CCSER1: variants seen among roughly 807,000 people sequenced by gnomAD.
CCSER1 encodes serine-rich coiled-coil domain-containing protein 1.
CCSER1 carries 41 observed loss-of-function variants against 82.0 expected under a neutral mutation model. The ratio of observed to expected loss-of-function variants is 0.50; its 90% CI spans 0.39 to 0.65. CCSER1 has a LOEUF of 0.65. Among genes scored for constraint, CCSER1 ranks in the 30% least tolerant of loss-of-function variants. CCSER1 has a pLI of 0.00. For synonymous variants in CCSER1, 414 were observed against 383.9 expected (o/e 1.08, Z -0.92); for missense variants, 1,119 against 1,064.2 (o/e 1.05, Z -0.72).
intron 9 of CCSER1, among the ~76,000 whole-genome samples, chr4:90,955,121 G>A (rs1419829635): frequency 1.3e-5 from 2 of 152,050 alleles, no homozygotes; most frequent in Non-Finnish European, 2.9e-5. Flanking sequence ...TATTTATTCT[G>A]TTTCCCCATT....
At position 90,724,704 on chromosome 4, in the gene CCSER1, G is replaced by A. The variant is rs72875625; in HGVS notation, c.2010+713G>A. On this transcript the variant is annotated intron_variant, in intron 7 of 10. Coordinates refer to ENST00000509176, the MANE Select transcript of CCSER1 (RefSeq NM_001145065.2). ...GAGCCTGAGGAAAAAAACTTAAAAC[G>A]TTGGGATGATGTACTTAAGTGCACT... 3.0e-3 allele frequency: 1,053 copies of A among 347,914 alleles called. 15 individuals are homozygous for A. The highest frequency in any genetic ancestry group is 0.021 in the African/African-American group (975 of 45,822). 21.6% of individuals were successfully genotyped at this position (347,914 alleles called of 1,614,324 possible).
intron 10 of CCSER1, among the ~76,000 whole-genome samples, chr4:91,107,838 G>T (rs1205124683): frequency 1.3e-5 from 2 of 152,002 alleles, no homozygotes; most frequent in Non-Finnish European, 2.9e-5. Context: ...ATTAAGGTTG[G>T]GCAGTGCTGG....
At chr4:91,506,824 C>A (rs538894705) in intron 10 of CCSER1, among the ~76,000 whole-genome samples, 15 of 152,222 alleles carry the variant, frequency 9.9e-5, no homozygotes, top group African/African-American at 3.6e-4. Flanking sequence ...GTCTCCCAAA[C>A]CCTGGCGAAT....
intron 10 of CCSER1, among the ~76,000 whole-genome samples, chr4:91,253,918 G>A (rs754638090): frequency 6.6e-6 from 1 of 152,006 alleles, no homozygotes; most frequent in Non-Finnish European, 1.5e-5. Context: ...ACTATCACGA[G>A]GACAGTATTA....
At chr4:91,277,501 T>G in intron 10 of CCSER1, among the ~76,000 whole-genome samples, 1 of 151,640 alleles carries the variant, frequency 6.6e-6, no homozygotes, top group East Asian at 1.9e-4. Flanking sequence ...TGATTATTTT[T>G]TGTTATTGTG....
At chr4:90,457,848 A>C (rs976669284) in intron 4 of CCSER1, among the ~76,000 whole-genome samples, 1 of 152,136 alleles carries the variant, frequency 6.6e-6, no homozygotes, top group Non-Finnish European at 1.5e-5. Flanking sequence ...CCAGGAGCCT[A>C]TCTGCTTTCT....
chr4:91,256,757 C>T (rs1253999421), intron 10 of CCSER1, among the ~76,000 whole-genome samples: 1 of 152,080 alleles, frequency 6.6e-6, no homozygotes, highest in Non-Finnish European at 1.5e-5. Flanking sequence ...GCATAGCAAG[C>T]ATGTTAATTA....
intron 10 of CCSER1, among the ~76,000 whole-genome samples, chr4:91,272,958 C>T (rs1440257236): frequency 6.6e-6 from 1 of 152,044 alleles, no homozygotes; most frequent in African/African-American, 2.4e-5. Context: ...ATCTGTGTGC[C>T]TATTTTTATA....
intron 10 of CCSER1, among the ~76,000 whole-genome samples, chr4:91,441,042 C>A (rs1406204783): frequency 1.3e-5 from 2 of 151,926 alleles, no homozygotes; most frequent in East Asian, 1.9e-4. Flanking sequence ...ACCAGAGGTA[C>A]AAGGAGGAAC....
At chr4:90,958,715 G>T (rs1452723058) in intron 9 of CCSER1, among the ~76,000 whole-genome samples, 3 of 152,096 alleles carry the variant, frequency 2.0e-5, no homozygotes, top group African/African-American at 7.2e-5. Flanking sequence ...CAGAGTGACT[G>T]CCACATGAGA....
At chr4:90,233,139 A>T (rs1744976297) in intron 1 of CCSER1, among the ~76,000 whole-genome samples, 1 of 152,188 alleles carries the variant, frequency 6.6e-6, no homozygotes, top group Non-Finnish European at 1.5e-5. Context: ...TACCCAAAGG[A>T]CTATAAATCA....
chr4:90,306,049 A>G (rs1214829880), intron 1 of CCSER1, among the ~76,000 whole-genome samples: 1 of 152,248 alleles, frequency 6.6e-6, no homozygotes, highest in Non-Finnish European at 1.5e-5. Context: ...GGAGGACATT[A>G]TGCTCAATGA....
At chr4:91,405,760 C>T (rs1752659883) in intron 10 of CCSER1, among the ~76,000 whole-genome samples, 1 of 152,118 alleles carries the variant, frequency 6.6e-6, no homozygotes, top group South Asian at 2.1e-4. Context: ...TCCGAATTTT[C>T]CAGGTACCAT....
At chr4:91,221,013 A>C (rs1479186521) in intron 10 of CCSER1, among the ~76,000 whole-genome samples, 1 of 152,194 alleles carries the variant, frequency 6.6e-6, no homozygotes. Flanking sequence ...TTAGTTAAAT[A>C]AACTAAAATC....
chr4:91,598,948 A>G lies in CCSER1; in HGVS notation c.2594A>G (p.Gln865Arg), dbSNP rs1459883027. Residue 865 changes from glutamine (Q) to arginine (R), a missense_variant, in exon 11 of 11, where the codon CAG becomes CGG. By Grantham distance (43) the Gln-to-Arg change is conservative. Coordinates refer to ENST00000509176, the MANE Select transcript of CCSER1 (RefSeq NM_001145065.2). The stretch of plus-strand genomic sequence containing the variant: ...TCGACCTTTACAGGCAGGTTTGGAC[A>G]GCCACCCAGAGGGCCAATCTCTTTA... ...QHSTFTGRFG[Q>R]PPRGPISLHM... The G allele has an allele frequency of 1.3e-6, 2 of 1,551,478 alleles. No homozygotes were observed. Among genetic ancestry groups the G allele is most frequent in the Non-Finnish European group, 8.7e-7 (1 of 1,146,930 alleles).
intron 10 of CCSER1, among the ~76,000 whole-genome samples, chr4:91,370,199 GA>G (rs1415859916): frequency 6.6e-6 from 1 of 152,028 alleles, no homozygotes; most frequent in Admixed American, 6.6e-5. Context: ...GAAAGACTGG[GA>G]AAAAATTGTC....
chr4:90,568,360 A>T (rs1779654650), intron 5 of CCSER1, among the ~76,000 whole-genome samples: 1 of 152,190 alleles, frequency 6.6e-6, no homozygotes, highest in South Asian at 2.1e-4. Context: ...TTGGGTGCAT[A>T]TATATAATTC....
rs1005441146 is a variant in CCSER1, at chr4:91,575,372, G to A, written c.2218-23200G>A. On this transcript the variant is annotated intron_variant, in intron 10 of 10. Transcript: ENST00000509176. ...AAAGCAAAATATGATCAAGCAGAAT[G>A]TCATCAAACTAAAATATCTGCACAA... Among the ~76,000 whole-genome samples, 15 of 151,818 alleles carry A rather than the reference G, an allele frequency of 9.9e-5. 1 individual carries two copies. The highest frequency in any genetic ancestry group is 2.9e-5 in the Non-Finnish European group (2 of 67,868).
intron 10 of CCSER1, among the ~76,000 whole-genome samples, chr4:91,156,565 G>T (rs1409873455): frequency 4.0e-5 from 6 of 151,194 alleles, no homozygotes; most frequent in Non-Finnish European, 3.0e-5. Flanking sequence ...AAATTATTAA[G>T]TTAAAAGAAT....
Sources: allele counts gnomAD v4.1 joint callset (sites outside exome capture counted in the v4.1 genomes callset), GRCh38; gene constraint gnomAD v4.1.1; transcripts MANE v1.5; gene names NCBI Gene and HGNC (gene_info 2026-07-23, HGNC 2026-07-21).